Variants in APOH observed in about 807,000 individuals in gnomAD.
The protein encoded by APOH is beta-2-glycoprotein 1.
Under a neutral mutation model 39.8 loss-of-function variants are expected in APOH, and 48 were observed. That is an observed-to-expected ratio of 1.21 (90% CI 0.96 to 1.54). The LOEUF is 1.54. Among genes scored for constraint, APOH ranks in the 40% most tolerant of loss-of-function variants. APOH has a pLI of 0.00. For missense variants in APOH, 415 were observed against 421.2 expected, an observed-to-expected ratio of 0.99 and a Z score of 0.13; for synonymous variants, 153 against 151.1, an observed-to-expected ratio of 1.01 and a Z score of -0.09.
At chr17:66,213,041 AAACC>A (rs1165336169) in intron 7 of APOH, among the ~76,000 whole-genome samples, 1 of 152,234 alleles carries the variant, frequency 6.6e-6, no homozygotes, top group African/African-American at 2.4e-5. Flanking sequence ...TCTAATAATC[AAACC>A]AACCCCATGA....
rs1598548165 is a variant in APOH at position 66,212,053 on chromosome 17, C to A, written c.*80G>T. ...ATGGGTGCGGCAATAAATTCAGTAG[C>A]TTTATTTTTAAATTTCAATTAGGTT... On this transcript the variant is annotated 3_prime_UTR_variant, in exon 8 of 8. Coordinates refer to ENST00000205948, the MANE Select transcript of APOH (RefSeq NM_000042.3). 1.1e-5 allele frequency: 14 copies of A among 1,240,236 alleles called. No individual in the cohort carries two copies. The East Asian group carries it at 3.3e-4, about 30-fold the overall frequency. The allele number at this position is 1,240,236 out of a possible 1,614,324, so 76.8% of individuals were successfully genotyped here.
chr17:66,217,700 T>C (rs8078603), intron 5 of APOH, among the ~76,000 whole-genome samples: 73,328 of 151,930 alleles, frequency 0.48, 19,690 homozygotes, highest in East Asian at 0.85. Flanking sequence ...TCGGTCATCC[T>C]GGCACTTTGG....
intron 1 of APOH, among the ~76,000 whole-genome samples, 159 bp downstream of exon 1, chr17:66,229,157 G>A (rs189528627): frequency 2.0e-5 from 3 of 152,002 alleles, no homozygotes; most frequent in Non-Finnish European, 4.4e-5. Context: ...GACTGGTCTC[G>A]AACTCCTGAC....
rs1049522277 is a variant in APOH, at chr17:66,216,913, G to C, written c.659C>G (p.Ala220Gly). 3 of 1,612,110 alleles carry C rather than the reference G, an allele frequency of 1.9e-6. No individual in the cohort carries two copies. Among genetic ancestry groups the C allele is most frequent in the African/African-American group, 2.7e-5 (2 of 74,868 alleles). Residue 220 changes from alanine to glycine, a missense_variant, in exon 6 of 8, where the codon GCA (alanine) becomes GGA (glycine). Physicochemically the swap from Ala to Gly is moderately conservative, Grantham distance 60. Around this residue, in one of 3 missense-constraint regions of APOH, gnomAD observed 288 missense variants for 284.9 expected, o/e 1.01. Transcript: ENST00000205948. ...ATCCTTGTAATAAAGTGTTGGTTTT[G>C]CAGGATAGTTCACAAATCCATTGTC... ...RPDNGFVNYP[A>G]KPTLYYKDKA...
intron 1 of APOH, 45 bp downstream of exon 1, chr17:66,229,271 G>A (rs761559339): frequency 1.4e-6 from 2 of 1,477,208 alleles, no homozygotes; most frequent in African/African-American, 1.4e-5. Context: ...ATATACGAAG[G>A]GGTTGGATAT....
At chr17:66,226,763 C>A (rs1333752945) in intron 2 of APOH, among the ~76,000 whole-genome samples, 1 of 151,944 alleles carries the variant, frequency 6.6e-6, no homozygotes, top group Admixed American at 6.6e-5. Flanking sequence ...TTATGATATG[C>A]TGATGAAAAC....
Position 66,223,746 on chromosome 17 carries a change from T to C in APOH, c.367A>G (p.Lys123Glu). 6.2e-7 allele frequency: 1 copy of C among 1,614,170 alleles called. No individual in the cohort carries two copies. The highest frequency in any genetic ancestry group is 1.1e-5 in the South Asian group (1 of 91,082). Residue 123 changes from lysine to glutamate, a missense_variant, in exon 4 of 8, where the codon AAG (lysine) becomes GAG (glutamate). Lys to Glu is a moderately conservative substitution (Grantham distance 56, BLOSUM62 1). Around this residue, in one of 3 missense-constraint regions of APOH, gnomAD observed 288 missense variants for 284.9 expected, o/e 1.01. Transcript: ENST00000205948. ...GFYLNGADSA[K>E]CTEEGKWSPE... The stretch of plus-strand genomic sequence containing the variant: ...CTCCATTTTCCTTCCTCAGTGCACT[T>C]GGCAGAATCAGCGCCATTCAGATAA...
chr17:66,220,839 A>T, intron 4 of APOH, 97 bp from the exon 5 acceptor site: 1 of 1,229,312 alleles, frequency 8.1e-7, no homozygotes, highest in Non-Finnish European at 1.1e-6. Context: ...GATAAACTTG[A>T]GAAAATGCAA....
intron 3 of APOH, among the ~76,000 whole-genome samples, chr17:66,225,255 A>T (rs1036788694): frequency 2.0e-5 from 3 of 152,100 alleles, no homozygotes; most frequent in Non-Finnish European, 4.4e-5. Flanking sequence ...TGTGCTCTCA[A>T]TAATGTCACA....
At chr17:66,213,118 C>T (rs1342878804) in intron 7 of APOH, among the ~76,000 whole-genome samples, 1 of 152,206 alleles carries the variant, frequency 6.6e-6, no homozygotes, top group Non-Finnish European at 1.5e-5. Context: ...TTCTCAGACT[C>T]CTCTCTTCTT....
chr17:66,229,384 G>A lies in APOH; in HGVS notation c.-5C>T. The stretch of plus-strand genomic sequence containing the variant: ...GATGAGCACTGGAGAAATCATTGTG[G>A]ATGAGTCACACTGGCACTACCAAAG... On this transcript the variant is annotated 5_prime_UTR_variant, in exon 1 of 8. Transcript: ENST00000205948. The A allele has an allele frequency of 6.2e-7, 1 of 1,613,296 alleles. No homozygotes were observed. Among genetic ancestry groups the A allele is most frequent in the Non-Finnish European group, 8.5e-7 (1 of 1,179,464 alleles).
Position 66,228,082 on chromosome 17 carries a change from C to T in APOH, c.179G>A (p.Gly60Glu), listed in dbSNP as rs780503271. The T allele has an allele frequency of 1.2e-6, 2 of 1,614,168 alleles. No individual in the cohort carries two copies. Among genetic ancestry groups the T allele is most frequent in the Non-Finnish European group, 1.7e-6 (2 of 1,180,020 alleles). The change falls in exon 2 of 8, where the codon GGG (glycine) becomes GAG (glutamate). Residue 60 changes from glycine to glutamate, a missense_variant. Coordinates refer to ENST00000205948, the MANE Select transcript of APOH (RefSeq NM_000042.3). The stretch of plus-strand genomic sequence containing the variant: ...GAGAGGGCAGATAAACTTTCTCATC[C>T]CTCCTCGGGACACATAGCCCGGCTT... ...SCKPGYVSRG[G>E]MRKFICPLTG...
chr17:66,215,597 C>G (rs887154678), intron 6 of APOH, among the ~76,000 whole-genome samples: 22 of 152,312 alleles, frequency 1.4e-4, no homozygotes, highest in Non-Finnish European at 2.2e-4. Flanking sequence ...TGCCTGCTGC[C>G]CCAGAGTTCC....
At position 66,216,199 on chromosome 17, in the gene APOH, A is replaced by G. The variant is rs1402587426; in HGVS notation, c.784+589T>C. On this transcript the variant is annotated intron_variant, in intron 6 of 7. Transcript: ENST00000205948. ...AAAAAAAAGACTCCATGTGTCTACA[A>G]TAATACTAAAAAATGATGGATGGAA... 2.0e-5 allele frequency among the ~76,000 whole-genome samples: 3 copies of G among 151,830 alleles called. No individual in the cohort carries two copies. In the East Asian group the frequency reaches 5.8e-4, roughly 29 times the overall value.
At chr17:66,217,314 C>T (rs2073371526) in intron 5 of APOH, among the ~76,000 whole-genome samples, 1 of 148,936 alleles carries the variant, frequency 6.7e-6, no homozygotes, top group African/African-American at 2.5e-5. Flanking sequence ...CTATTTCTAA[C>T]AAACCATAAA....
At chr17:66,223,598 C>T in intron 4 of APOH, 100 bp downstream of exon 4, 1 of 1,016,738 alleles carries the variant, frequency 9.8e-7, no homozygotes, top group Non-Finnish European at 1.5e-6. Context: ...CCATTCATCT[C>T]ATTGAGCTGT....
At chr17:66,225,561 T>A (rs958567754) in intron 3 of APOH, among the ~76,000 whole-genome samples, 1 of 152,240 alleles carries the variant, frequency 6.6e-6, no homozygotes, top group African/African-American at 2.4e-5. Context: ...TCAATCATTT[T>A]AATGTACCTC....
rs954061146 is a variant in APOH, at chr17:66,222,759, C to T, written c.415+939G>A. Among the ~76,000 whole-genome samples the T allele has an allele frequency of 4.6e-5, 7 of 151,894 alleles. No individual in the cohort carries two copies. In the South Asian group the frequency reaches 6.2e-4, roughly 14 times the overall value. On this transcript the variant is annotated intron_variant, in intron 4 of 7. Coordinates refer to ENST00000205948, the MANE Select transcript of APOH (RefSeq NM_000042.3). ...GCTGATTTTATATTTTTAGTAGAGA[C>T]GGAGTTTCTCCATGTTGGTCAGGCT...
chr17:66,222,044 T>A (rs1242612970), intron 4 of APOH, among the ~76,000 whole-genome samples: 1 of 152,168 alleles, frequency 6.6e-6, no homozygotes, highest in African/African-American at 2.4e-5. Flanking sequence ...AATACTCATT[T>A]AAATTAGATT....
Sources: gnomAD v4.1 joint callset for allele counts (sites outside exome capture counted in the v4.1 genomes callset) on GRCh38, gnomAD v4.1.1 for gene constraint, gnomAD v4.1.1 regional missense constraint, MANE v1.5 for transcripts, NCBI Gene and HGNC (gene_info 2026-07-23, HGNC 2026-07-21) for gene names.